The following CDH18 variants were observed in gnomAD, a reference collection of about 807,000 sequenced individuals.
CDH18 encodes the protein cadherin-18.
A neutral mutation model predicts 67.9 loss-of-function variants in CDH18; 31 were observed. The ratio of observed to expected loss-of-function variants is 0.46; its 90% confidence interval spans 0.34 to 0.62. CDH18 has a LOEUF of 0.62. CDH18 is among the 20% of genes least tolerant of loss of function. The pLI is 0.01. For synonymous variants in CDH18, 362 were observed against 347.2 expected (o/e 1.04, Z -0.48); for missense variants, 890 against 975.5 (o/e 0.91, Z 1.17).
intron 2 of CDH18, among the ~76,000 whole-genome samples, chr5:20,143,999 T>C (rs778582747): frequency 6.6e-6 from 1 of 152,092 alleles, no homozygotes; most frequent in Non-Finnish European, 1.5e-5. Context: ...CCTCTGTGAA[T>C]TGCATGGGAA....
intron 1 of CDH18, among the ~76,000 whole-genome samples, chr5:20,517,381 T>C (rs1755442442): frequency 6.6e-6 from 1 of 151,684 alleles, no homozygotes; most frequent in African/African-American, 2.4e-5. Flanking sequence ...TAAAGACAGA[T>C]GTTATGACAA....
intron 2 of CDH18, among the ~76,000 whole-genome samples, chr5:20,199,179 T>C (rs1739238955): frequency 6.6e-6 from 1 of 152,114 alleles, no homozygotes; most frequent in Non-Finnish European, 1.5e-5. Flanking sequence ...AGAGCTCCAA[T>C]AACAGCTTGC....
intron 1 of CDH18, among the ~76,000 whole-genome samples, chr5:20,552,401 C>T (rs189453442): frequency 0.011 from 1,643 of 152,154 alleles, 23 homozygotes; most frequent in Non-Finnish European, 0.015. Flanking sequence ...CACTTGAACC[C>T]GTGAGGTGGA....
chr5:19,639,221 C>A (rs965173321), intron 5 of CDH18, among the ~76,000 whole-genome samples: 1 of 152,024 alleles, frequency 6.6e-6, no homozygotes, highest in Middle Eastern at 3.4e-3. Flanking sequence ...CCAGGATGGT[C>A]TCTATCTCCT....
At chr5:20,348,778 A>G (rs1313231084) in intron 1 of CDH18, among the ~76,000 whole-genome samples, 5 of 152,158 alleles carry the variant, frequency 3.3e-5, no homozygotes, top group Non-Finnish European at 5.9e-5. Context: ...GGAACATTAA[A>G]TCTGACAACT....
chr5:19,932,248 T>A (rs547475996), intron 2 of CDH18, among the ~76,000 whole-genome samples: 93 of 151,864 alleles, frequency 6.1e-4, no homozygotes, highest in African/African-American at 2.1e-3. Context: ...GCACAAAGCT[T>A]TTCACAGAAA....
At chr5:20,041,253 CTAT>C (rs1270472362) in intron 2 of CDH18, among the ~76,000 whole-genome samples, 3 of 152,268 alleles carry the variant, frequency 2.0e-5, no homozygotes, top group African/African-American at 7.2e-5. Flanking sequence ...TGAATTATCC[CTAT>C]CATGGCATCG....
intron 3 of CDH18, among the ~76,000 whole-genome samples, chr5:19,788,905 T>A (rs933408641): frequency 7.9e-5 from 12 of 152,180 alleles, no homozygotes; most frequent in African/African-American, 2.7e-4. Flanking sequence ...CTAACTCTGG[T>A]TTTAGCAGTT....
At chr5:20,035,887 T>G (rs1739819520) in intron 2 of CDH18, among the ~76,000 whole-genome samples, 1 of 152,058 alleles carries the variant, frequency 6.6e-6, no homozygotes, top group South Asian at 2.1e-4. Context: ...TTGTTCTTGT[T>G]TCTGGTTTCA....
rs1581503770 is a variant in CDH18, at chr5:19,821,397, A to C, written c.228+17362T>G. Among the ~76,000 whole-genome samples, 8 of 151,658 alleles carry C rather than the reference A, an allele frequency of 5.3e-5. No individual in the cohort carries two copies. The South Asian group carries it at 1.7e-3, about 32-fold the overall frequency. On this transcript the variant is annotated intron_variant, in intron 3 of 12. Coordinates refer to ENST00000382275, the MANE Select transcript of CDH18 (RefSeq NM_004934.5). The stretch of plus-strand genomic sequence containing the variant: ...TTCAAATCAACCCAGTTAACCAAAA[A>C]ACAAAAAACAAAAAAAAAAAAAAGG...
At chr5:20,546,890 C>T (rs919066575) in intron 1 of CDH18, among the ~76,000 whole-genome samples, 8 of 152,004 alleles carry the variant, frequency 5.3e-5, no homozygotes, top group Non-Finnish European at 7.4e-5. Context: ...CAATATTTTG[C>T]TATTATTGGG....
intron 1 of CDH18, among the ~76,000 whole-genome samples, chr5:20,502,719 A>G (rs1754409844): frequency 1.3e-5 from 2 of 152,220 alleles, no homozygotes; most frequent in Admixed American, 1.3e-4. Flanking sequence ...AGAAATCCTT[A>G]GAACAATTCT....
At chr5:20,318,751 C>A (rs1737697510) in intron 1 of CDH18, among the ~76,000 whole-genome samples, 1 of 152,094 alleles carries the variant, frequency 6.6e-6, no homozygotes, top group Admixed American at 6.5e-5. Flanking sequence ...CCAATTAAAT[C>A]TCTTTTCTTT....
intron 2 of CDH18, among the ~76,000 whole-genome samples, chr5:20,153,505 G>A (rs560793829): frequency 1.3e-5 from 2 of 152,130 alleles, no homozygotes; most frequent in African/African-American, 4.8e-5. Flanking sequence ...AGATAAACTA[G>A]TGATGACATA....
At chr5:19,762,482 C>T (rs1026815001) in intron 3 of CDH18, among the ~76,000 whole-genome samples, 1 of 152,156 alleles carries the variant, frequency 6.6e-6, no homozygotes. Flanking sequence ...CCAACAGACA[C>T]ATGAAATAAT....
Position 20,079,651 on chromosome 5 carries a change from A to G in CDH18, c.-517-87637T>C, listed in dbSNP as rs372555265. Among the ~76,000 whole-genome samples, 6 of 152,288 alleles carry G rather than the reference A, an allele frequency of 3.9e-5. No homozygotes were observed. The East Asian group carries it at 9.7e-4, about 25-fold the overall frequency. ...ACTTCATACGGTACTAATTTACAAT[A>G]CTACCTTTTCTCCACATCATCACCA... On this transcript the variant is annotated intron_variant, in intron 2 of 14. Coordinates refer to the CDH18 transcript ENST00000507958.
chr5:20,074,007 AT>A (rs1249621097), intron 2 of CDH18, among the ~76,000 whole-genome samples: 1 of 152,032 alleles, frequency 6.6e-6, no homozygotes, highest in African/African-American at 2.4e-5. Flanking sequence ...GTTGGGCTGA[AT>A]TTTTCTTTAC....
intron 5 of CDH18, among the ~76,000 whole-genome samples, chr5:19,713,484 A>G (rs1007858388): frequency 6.6e-6 from 1 of 152,166 alleles, no homozygotes; most frequent in Non-Finnish European, 1.5e-5. Context: ...ATCTAGGGCT[A>G]CAACGAATAG....
chr5:19,802,577 T>A (rs1777582768), intron 3 of CDH18, among the ~76,000 whole-genome samples: 1 of 152,218 alleles, frequency 6.6e-6, no homozygotes, highest in African/African-American at 2.4e-5. Flanking sequence ...ATACTAGGTA[T>A]ATGCTGGGCA....
Sources: gnomAD v4.1 joint callset for allele counts (sites outside exome capture counted in the v4.1 genomes callset) on GRCh38, gnomAD v4.1.1 for gene constraint, MANE v1.5 for transcripts, NCBI Gene and HGNC (gene_info 2026-07-23, HGNC 2026-07-21) for gene names.